Variants in ASIC2 observed in about 807,000 individuals in gnomAD.
ASIC2 encodes acid-sensing ion channel 2.
In ASIC2, 25 loss-of-function variants were observed where a neutral mutation model predicts 57.3. The ratio of observed to expected loss-of-function variants is 0.44; its 90% CI spans 0.32 to 0.61. The LOEUF (loss-of-function observed/expected upper bound fraction) is 0.61. ASIC2 is among the 20% of genes least tolerant of loss of function. The pLI, the probability that ASIC2 is intolerant of heterozygous loss-of-function variation, is 0.06. For missense variants in ASIC2, 641 were observed against 738.1 expected, an observed-to-expected ratio of 0.87 and a Z score of 1.52; for synonymous variants, 319 against 307.5, an observed-to-expected ratio of 1.04 and a Z score of -0.39.
intron 1 of ASIC2, among the ~76,000 whole-genome samples, chr17:33,770,908 C>T (rs1911083551): frequency 1.3e-5 from 2 of 152,134 alleles, no homozygotes; most frequent in South Asian, 4.1e-4. Flanking sequence ...CACCTTCTGG[C>T]ACAAAGGAAC....
intron 1 of ASIC2, among the ~76,000 whole-genome samples, chr17:33,155,875 C>T (rs761265107): frequency 2.0e-5 from 3 of 151,960 alleles, no homozygotes; most frequent in Admixed American, 6.6e-5. Flanking sequence ...GTTAATGAGC[C>T]GCAGAGTACT....
intron 3 of ASIC2, among the ~76,000 whole-genome samples, chr17:33,083,036 C>T (rs555658319): frequency 2.0e-5 from 3 of 152,268 alleles, no homozygotes; most frequent in South Asian, 2.1e-4. Context: ...TCCATCACAG[C>T]CCAGCTTCAT....
intron 1 of ASIC2, among the ~76,000 whole-genome samples, chr17:33,902,479 C>A (rs72818957): frequency 6.6e-6 from 1 of 152,290 alleles, no homozygotes; most frequent in Non-Finnish European, 1.5e-5. Flanking sequence ...AAGTAGATAT[C>A]AAAATTCCCA....
chr17:33,892,693 T>G (rs1039271970), intron 1 of ASIC2, among the ~76,000 whole-genome samples: 1 of 152,230 alleles, frequency 6.6e-6, no homozygotes, highest in Non-Finnish European at 1.5e-5. Flanking sequence ...ACACAGTTCC[T>G]GGCACACAGA....
intron 1 of ASIC2, among the ~76,000 whole-genome samples, chr17:33,652,069 G>A (rs1906937196): frequency 6.6e-6 from 1 of 152,184 alleles, no homozygotes; most frequent in Admixed American, 6.5e-5. Context: ...AAATGGGGAG[G>A]CTGCCAAAAT....
Position 33,882,306 on chromosome 17 carries a change from C to G in ASIC2, c.555+273672G>C, listed in dbSNP as rs536261312. Among the ~76,000 whole-genome samples, 9 of 152,292 alleles carry G rather than the reference C, an allele frequency of 5.9e-5. No individual in the cohort carries two copies. The South Asian group carries it at 1.7e-3, about 28-fold the overall frequency. On this transcript the variant is annotated intron_variant, in intron 1 of 9. Coordinates refer to the ASIC2 transcript ENST00000359872. ...GCTTCTGCACAGCAAAAGAAACTATCATCAGAGTGAGCAGGCAGCCTACAG... is the reference window on the plus strand; with the variant it reads ...GCTTCTGCACAGCAAAAGAAACTATGATCAGAGTGAGCAGGCAGCCTACAG...
intron 1 of ASIC2, among the ~76,000 whole-genome samples, chr17:34,099,168 GAAAGA>G (rs1460338824): frequency 2.1e-3 from 14 of 6,760 alleles, no homozygotes; most frequent in African/African-American, 4.1e-3. Flanking sequence ...GAGAGAGAAA[GAAAGA>G]AAGAAAGAAA....
chr17:34,099,205 AAAGAAAGG>A (rs1193238509), intron 1 of ASIC2, among the ~76,000 whole-genome samples: 3 of 127,114 alleles, frequency 2.4e-5, no homozygotes, highest in African/African-American at 7.5e-5. Context: ...AGAAAGAAAG[AAAGAAAGG>A]AAAGAAAAGA....
At chr17:33,303,427 C>A (rs1035728614) in intron 1 of ASIC2, among the ~76,000 whole-genome samples, 17 of 152,094 alleles carry the variant, frequency 1.1e-4, no homozygotes, top group African/African-American at 3.9e-4. Context: ...CAGGGAGGTA[C>A]CCATAGGTTC....
Position 33,763,068 on chromosome 17 carries a change from C to T in ASIC2, c.555+392910G>A, listed in dbSNP as rs114341523. Among the ~76,000 whole-genome samples the T allele has an allele frequency of 8.1e-3, 1,229 of 152,230 alleles. 14 individuals carry two copies. Among genetic ancestry groups the T allele is most frequent in the African/African-American group, 0.028 (1,150 of 41,522 alleles). On this transcript the variant is annotated intron_variant, in intron 1 of 9. Coordinates refer to the ASIC2 transcript ENST00000359872. ...CAATGTTACACAGTTAAGTTAGAAC[C>T]AGTATCAGATCTCTGACTCCAATTC...
At chr17:33,556,650 T>A (rs1418430073) in intron 1 of ASIC2, among the ~76,000 whole-genome samples, 1 of 152,218 alleles carries the variant, frequency 6.6e-6, no homozygotes, top group African/African-American at 2.4e-5. Flanking sequence ...AGTTTGGTAA[T>A]GAGTGAGGCC....
intron 1 of ASIC2, among the ~76,000 whole-genome samples, chr17:33,919,882 A>C (rs1010637340): frequency 2.0e-5 from 3 of 152,216 alleles, no homozygotes; most frequent in African/African-American, 7.2e-5. Flanking sequence ...GGCACTTCTC[A>C]AAAGAAGACA....
chr17:33,116,921 C>G (rs1274238995), intron 1 of ASIC2, among the ~76,000 whole-genome samples: 1 of 151,898 alleles, frequency 6.6e-6, no homozygotes, highest in Admixed American at 6.6e-5. Context: ...ACGATCACAA[C>G]TCACTGTAAT....
At chr17:33,215,874 T>C (rs1907462772) in intron 1 of ASIC2, among the ~76,000 whole-genome samples, 1 of 152,190 alleles carries the variant, frequency 6.6e-6, no homozygotes, top group Non-Finnish European at 1.5e-5. Flanking sequence ...TAATTTTTTG[T>C]ATTTTTAGTA....
chr17:33,231,244 T>C (rs983931333), intron 1 of ASIC2, among the ~76,000 whole-genome samples: 1 of 152,210 alleles, frequency 6.6e-6, no homozygotes, highest in Non-Finnish European at 1.5e-5. Context: ...TAGGTGTTCA[T>C]CTTCCCTGCC....
At position 34,072,598 on chromosome 17, in the gene ASIC2, C is replaced by T. The variant is rs956968415; in HGVS notation, c.555+83380G>A. 2.6e-5 allele frequency among the ~76,000 whole-genome samples: 4 copies of T among 152,222 alleles called. No individual in the cohort carries two copies. The South Asian group carries it at 8.3e-4, about 31-fold the overall frequency. ...CAAAATGAAAGTCACCCATAACCCT[C>T]TACCTAGAGATGAATAAAAGTTGTG... is the stretch of plus-strand genomic sequence containing the variant. On this transcript the variant is annotated intron_variant, in intron 1 of 9. Coordinates refer to the ASIC2 transcript ENST00000359872.
chr17:33,997,018 CA>C (rs1366675358), intron 1 of ASIC2, among the ~76,000 whole-genome samples: 4 of 152,116 alleles, frequency 2.6e-5, no homozygotes, highest in Non-Finnish European at 5.9e-5. Context: ...TTTGTGTCTT[CA>C]GTTCCTTTAT....
At chr17:33,121,124 T>A (rs2092300788) in intron 1 of ASIC2, among the ~76,000 whole-genome samples, 1 of 152,248 alleles carries the variant, frequency 6.6e-6, no homozygotes, top group East Asian at 1.9e-4. Context: ...TTCCTGCTTA[T>A]GGCTTGGATC....
At chr17:33,579,200 C>T (rs111301790) in intron 1 of ASIC2, among the ~76,000 whole-genome samples, 10 of 150,548 alleles carry the variant, frequency 6.6e-5, no homozygotes, top group South Asian at 6.3e-4. Context: ...GCAGGAGAAT[C>T]GCTTGAACCC....
Sources: allele counts gnomAD v4.1 joint callset (sites outside exome capture counted in the v4.1 genomes callset), GRCh38; gene constraint gnomAD v4.1.1; transcripts MANE v1.5; gene names NCBI Gene and HGNC (gene_info 2026-07-23, HGNC 2026-07-21).